Variants in CADPS2 observed in about 807,000 individuals in gnomAD.
The protein encoded by CADPS2 is calcium-dependent secretion activator 2.
Under a neutral mutation model 172.5 loss-of-function variants are expected in CADPS2, and 93 were observed. The ratio of observed to expected loss-of-function variants is 0.54; its 90% CI spans 0.46 to 0.64. The LOEUF is 0.64. CADPS2 is among the 30% of genes least tolerant of loss of function. The pLI is 0.00. For synonymous variants in CADPS2, 546 were observed against 555.2 expected (o/e 0.98, Z 0.23); for missense variants, 1,420 against 1,565.9 (o/e 0.91, Z 1.57).
In CADPS2 at chr7:122,449,769, A is replaced by G. The variant is rs187114833; in HGVS notation, c.2288+1605T>C. Reference sequence around the variant, plus strand: ...TGAATTCAGCTATGCTATCTACAACAGTGTTTCCTAATGTAAATTTACTGG... The same window carrying G: ...TGAATTCAGCTATGCTATCTACAACGGTGTTTCCTAATGTAAATTTACTGG... On this transcript the variant is annotated intron_variant, in intron 15 of 29. Transcript: ENST00000449022. Among the ~76,000 whole-genome samples, 18 of 152,314 alleles carry G rather than the reference A, an allele frequency of 1.2e-4. No individual in the cohort carries two copies. In the East Asian group the frequency reaches 3.5e-3, roughly 29 times the overall value.
chr7:122,734,435 AAT>A (rs1165053106), intron 2 of CADPS2, among the ~76,000 whole-genome samples: 1 of 148,796 alleles, frequency 6.7e-6, no homozygotes, highest in African/African-American at 2.4e-5. Flanking sequence ...GGATGCTTAC[AAT>A]ATGTAACACT....
At chr7:122,587,828 C>T (rs1309569389) in intron 6 of CADPS2, among the ~76,000 whole-genome samples, 1 of 152,078 alleles carries the variant, frequency 6.6e-6, no homozygotes, top group Non-Finnish European at 1.5e-5. Context: ...ACATTCCCAC[C>T]AACAGTGTAA....
At chr7:122,635,840 CT>C (rs1487614171) in intron 3 of CADPS2, among the ~76,000 whole-genome samples, 7 of 152,188 alleles carry the variant, frequency 4.6e-5, no homozygotes, top group African/African-American at 1.7e-4. Context: ...AATTGAACCA[CT>C]TTTCATTATG....
intron 19 of CADPS2, among the ~76,000 whole-genome samples, chr7:122,409,463 A>G (rs1194702361): frequency 2.0e-5 from 3 of 152,268 alleles, no homozygotes; most frequent in African/African-American, 7.2e-5. Flanking sequence ...ATAAAATGGA[A>G]TACACTTTTT....
At chr7:122,531,227 C>A (rs1037808719) in intron 8 of CADPS2, among the ~76,000 whole-genome samples, 11 of 152,136 alleles carry the variant, frequency 7.2e-5, no homozygotes, top group African/African-American at 2.4e-4. Context: ...GCTTTAACTG[C>A]AGAGAGCGTC....
At chr7:122,758,371 C>T (rs1349723992) in intron 1 of CADPS2, among the ~76,000 whole-genome samples, 1 of 152,108 alleles carries the variant, frequency 6.6e-6, no homozygotes, top group Non-Finnish European at 1.5e-5. Context: ...CAATTCTTTG[C>T]AATCACTCAT....
chr7:122,366,534 G>C (rs1247189179), intron 25 of CADPS2, among the ~76,000 whole-genome samples: 1 of 150,702 alleles, frequency 6.6e-6, no homozygotes, highest in African/African-American at 2.4e-5. Flanking sequence ...GAACCTGGGA[G>C]ATGGAGGTTG....
At chr7:122,584,946 G>A (rs1352331431) in intron 6 of CADPS2, among the ~76,000 whole-genome samples, 2 of 151,194 alleles carry the variant, frequency 1.3e-5, no homozygotes, top group Non-Finnish European at 3.0e-5. Flanking sequence ...TGCTCACAAA[G>A]AAAAAAAAAT....
At chr7:122,880,167 G>A (rs1001194569) in intron 1 of CADPS2, among the ~76,000 whole-genome samples, 55 of 152,144 alleles carry the variant, frequency 3.6e-4, no homozygotes, top group African/African-American at 1.2e-3. Flanking sequence ...CTGAGTGTCA[G>A]CTCCAACTTG....
At chr7:122,717,942 G>A (rs1266220034) in intron 2 of CADPS2, among the ~76,000 whole-genome samples, 1 of 145,084 alleles carries the variant, frequency 6.9e-6, no homozygotes, top group Admixed American at 7.0e-5. Flanking sequence ...CCGAGTTGCT[G>A]GTACTATATA....
intron 6 of CADPS2, among the ~76,000 whole-genome samples, chr7:122,594,268 CA>C (rs1274066824): frequency 1.3e-5 from 2 of 150,080 alleles, no homozygotes; most frequent in Non-Finnish European, 1.5e-5. Flanking sequence ...GACCCAGTCT[CA>C]AAAAGGGGAA....
chr7:122,741,983 A>C (rs2092500528), intron 1 of CADPS2, among the ~76,000 whole-genome samples: 2 of 152,180 alleles, frequency 1.3e-5, no homozygotes, highest in South Asian at 4.1e-4. Flanking sequence ...GATACATTCC[A>C]GTTTGCCATA....
chr7:122,765,567 G>T (rs990930376), intron 1 of CADPS2, among the ~76,000 whole-genome samples: 2 of 152,058 alleles, frequency 1.3e-5, no homozygotes, highest in Non-Finnish European at 2.9e-5. Context: ...TTGTTACAAT[G>T]TCTATTTAAA....
At chr7:122,623,451 A>T (rs909593502) in intron 4 of CADPS2, among the ~76,000 whole-genome samples, 4 of 152,160 alleles carry the variant, frequency 2.6e-5, no homozygotes, top group African/African-American at 4.8e-5. Flanking sequence ...TCCAATGATC[A>T]TTTGGGGAAA....
intron 2 of CADPS2, among the ~76,000 whole-genome samples, chr7:122,694,655 C>G (rs1259942207): frequency 6.6e-6 from 1 of 152,118 alleles, no homozygotes; most frequent in African/African-American, 2.4e-5. Flanking sequence ...AAAGTACACT[C>G]CCTTCCCCCC....
chr7:122,508,448 A>ATTTTTTTTTTT (rs2059774838), intron 9 of CADPS2, among the ~76,000 whole-genome samples: 1 of 108,224 alleles, frequency 9.2e-6, no homozygotes, highest in Non-Finnish European at 2.0e-5. Context: ...TATTCATTTA[A>ATTTTTTTTTTT]GTTTTTTTTT....
At chr7:122,837,835 A>C (rs1190837887) in intron 1 of CADPS2, among the ~76,000 whole-genome samples, 1 of 152,176 alleles carries the variant, frequency 6.6e-6, no homozygotes, top group Non-Finnish European at 1.5e-5. Context: ...TTCACAGCTG[A>C]ATTCTAACAG....
intron 24 of CADPS2, chr7:122,386,354 C>A: frequency 3.3e-6 from 4 of 1,228,360 alleles, no homozygotes; most frequent in South Asian, 2.0e-5. Flanking sequence ...TGAAAGAGAA[C>A]AGAAGGGAAG....
intron 8 of CADPS2, among the ~76,000 whole-genome samples, chr7:122,529,257 G>A (rs1163475450): frequency 6.6e-6 from 1 of 151,836 alleles, no homozygotes; most frequent in Non-Finnish European, 1.5e-5. Flanking sequence ...AGATATATTA[G>A]TTCAAATAAC....
Sources: allele counts gnomAD v4.1 joint callset (sites outside exome capture counted in the v4.1 genomes callset), GRCh38; gene constraint gnomAD v4.1.1; transcripts MANE v1.5; gene names NCBI Gene and HGNC (gene_info 2026-07-23, HGNC 2026-07-21).